The following ST6GALNAC5 variants were observed in gnomAD, a reference collection of about 807,000 sequenced individuals.
ST6GALNAC5 encodes the protein ST6 N-acetylgalactosaminide alpha-2,6-sialyltransferase 5.
Under a neutral mutation model 33.6 loss-of-function variants are expected in ST6GALNAC5, and 27 were observed. The ratio of observed to expected loss-of-function variants is 0.80; its 90% CI spans 0.59 to 1.11. The LOEUF (loss-of-function observed/expected upper bound fraction) is 1.11, where lower values mean the gene tolerates loss of function less well. Among genes scored for constraint, ST6GALNAC5 ranks in the 50% least tolerant of loss-of-function variants. The pLI, the probability that ST6GALNAC5 is intolerant of heterozygous loss-of-function variation, is 0.00. For synonymous variants in ST6GALNAC5, 194 were observed against 171.2 expected (o/e 1.13, Z -1.04); for missense variants, 428 against 454.0 (o/e 0.94, Z 0.52).
chr1:76,950,383 G>A (rs1052416651), intron 2 of ST6GALNAC5, among the ~76,000 whole-genome samples: 1 of 151,914 alleles, frequency 6.6e-6, no homozygotes, highest in Non-Finnish European at 1.5e-5. Context: ...ATATTCTTTA[G>A]TCCCAACTTA....
chr1:76,886,235 G>A lies in ST6GALNAC5; in HGVS notation c.261+17493G>A, dbSNP rs1570639184. Among the ~76,000 whole-genome samples the A allele has an allele frequency of 9.2e-5, 14 of 151,978 alleles. No individual in the cohort carries two copies. In the South Asian group the frequency reaches 2.9e-3, roughly 32 times the overall value. ...CTTCTGATTTCTTTTTCATCTTCTAGTTTTATAAAACATTTTCTTTATCTT... is the reference window on the plus strand; with the variant it reads ...CTTCTGATTTCTTTTTCATCTTCTAATTTTATAAAACATTTTCTTTATCTT... On this transcript the variant is annotated intron_variant, in intron 2 of 4. Coordinates refer to ENST00000477717, the MANE Select transcript of ST6GALNAC5 (RefSeq NM_030965.3).
In ST6GALNAC5 at chr1:76,868,095, G is replaced by T. The variant is rs969540088; in HGVS notation, c.16-402G>T. 2.0e-5 allele frequency among the ~76,000 whole-genome samples: 3 copies of T among 152,178 alleles called. No individual in the cohort carries two copies. The highest frequency in any genetic ancestry group is 2.1e-4 in the South Asian group (1 of 4,836). ...CTTAGATTTCAAACTTGCAAGGATC[G>T]CAAGGATCCAGGGCCCCAGGAAAGG... is the stretch of plus-strand genomic sequence containing the variant. On this transcript the variant is annotated intron_variant, in intron 1 of 4. Transcript: ENST00000477717. This position sits in a 1 kb window ranked among gnomAD's most constrained non-coding sequence, Gnocchi z 4.3.
intron 2 of ST6GALNAC5, among the ~76,000 whole-genome samples, chr1:77,006,375 G>A (rs1353026456): frequency 7.1e-6 from 1 of 141,484 alleles, no homozygotes; most frequent in African/African-American, 2.7e-5. Context: ...TCACCCAGGT[G>A]TGATCTCGGC....
intron 2 of ST6GALNAC5, among the ~76,000 whole-genome samples, chr1:77,029,008 G>T (rs573078688): frequency 5.9e-5 from 9 of 152,184 alleles, no homozygotes; most frequent in African/African-American, 2.2e-4. Context: ...ATTTGGATAC[G>T]TGGGTGGTGG....
chr1:76,999,935 A>G (rs1317892258), intron 2 of ST6GALNAC5, among the ~76,000 whole-genome samples: 2 of 123,474 alleles, frequency 1.6e-5, no homozygotes, highest in Admixed American at 8.3e-5. Context: ...ATTGTGAATA[A>G]TGCCGCAATA....
intron 2 of ST6GALNAC5, among the ~76,000 whole-genome samples, chr1:77,008,664 G>A (rs187846837): frequency 0.016 from 2,443 of 152,146 alleles, 70 homozygotes; most frequent in African/African-American, 0.056. Flanking sequence ...GGAGTAGCTG[G>A]GATTACAGGT....
intron 4 of ST6GALNAC5, among the ~76,000 whole-genome samples, chr1:77,060,357 A>T (rs1652535940): frequency 6.6e-6 from 1 of 152,190 alleles, no homozygotes; most frequent in South Asian, 2.1e-4. Context: ...CACTGAGGTC[A>T]GGTGAAGGAA....
chr1:77,035,869 A>G (rs1651628105), intron 2 of ST6GALNAC5, among the ~76,000 whole-genome samples: 1 of 152,234 alleles, frequency 6.6e-6, no homozygotes, highest in Non-Finnish European at 1.5e-5. Flanking sequence ...TGTTAAACAA[A>G]ATTGTCATAT....
chr1:76,913,785 G>C (rs1408324496), intron 2 of ST6GALNAC5, among the ~76,000 whole-genome samples: 1 of 152,160 alleles, frequency 6.6e-6, no homozygotes, highest in Non-Finnish European at 1.5e-5. Context: ...ACTGGCACAA[G>C]ACAGGGATGC....
rs144804007 is a variant in ST6GALNAC5, at chr1:77,006,697, A to G, written c.262-37507A>G. Among the ~76,000 whole-genome samples the G allele has an allele frequency of 1.4e-3, 215 of 152,264 alleles. 2 individuals are homozygous for G. Among genetic ancestry groups the G allele is most frequent in the African/African-American group, 4.6e-3 (192 of 41,554 alleles). On this transcript the variant is annotated intron_variant, in intron 2 of 4. Coordinates refer to ENST00000477717, the MANE Select transcript of ST6GALNAC5 (RefSeq NM_030965.3). ...TTTGAGAAACATTTATTTGTCAGTT[A>G]CCTATTGCTATGCAACCAACCACTC...
At chr1:76,884,237 G>A (rs546432675) in intron 2 of ST6GALNAC5, among the ~76,000 whole-genome samples, 6 of 152,262 alleles carry the variant, frequency 3.9e-5, no homozygotes, top group African/African-American at 7.2e-5. Context: ...CCAACAGAAG[G>A]TTTGTGGTTC....
chr1:76,896,604 G>C (rs1570649019), intron 2 of ST6GALNAC5, among the ~76,000 whole-genome samples: 1 of 152,124 alleles, frequency 6.6e-6, no homozygotes, highest in Non-Finnish European at 1.5e-5. Flanking sequence ...AGGTGGATCA[G>C]AGAGATACAG....
intron 2 of ST6GALNAC5, among the ~76,000 whole-genome samples, chr1:77,036,352 A>G (rs1453389704): frequency 6.6e-6 from 1 of 152,204 alleles, no homozygotes; most frequent in East Asian, 1.9e-4. Flanking sequence ...TGGTTGCCCA[A>G]CTCTCTAAAT....
At chr1:76,982,265 A>G (rs1439183984) in intron 2 of ST6GALNAC5, among the ~76,000 whole-genome samples, 2 of 152,184 alleles carry the variant, frequency 1.3e-5, no homozygotes, top group Admixed American at 1.3e-4. Flanking sequence ...AAAAACCCTG[A>G]AAAAAGATTA....
intron 2 of ST6GALNAC5, among the ~76,000 whole-genome samples, chr1:76,887,375 A>G (rs185231631): frequency 2.6e-4 from 40 of 152,270 alleles, no homozygotes; most frequent in African/African-American, 8.7e-4. Flanking sequence ...TGAGCATGTT[A>G]TGGTTCAGAA....
chr1:76,906,658 G>A (rs79603070), intron 2 of ST6GALNAC5, among the ~76,000 whole-genome samples: 4,313 of 152,168 alleles, frequency 0.028, 92 homozygotes, highest in Non-Finnish European at 0.042. Flanking sequence ...TAAACAGAAA[G>A]TTCTCTTAAA....
At chr1:76,915,334 CATTACTGGGTATAT>C (rs1557721330) in intron 2 of ST6GALNAC5, among the ~76,000 whole-genome samples, 2 of 152,108 alleles carry the variant, frequency 1.3e-5, no homozygotes. Flanking sequence ...CCAGCCATCC[CATTACTGGGTATAT>C]ACCCAAAGGA....
chr1:77,026,279 A>G (rs1651228826), intron 2 of ST6GALNAC5, among the ~76,000 whole-genome samples: 1 of 152,174 alleles, frequency 6.6e-6, no homozygotes, highest in African/African-American at 2.4e-5. Flanking sequence ...AGACCCTGTA[A>G]GCACTCTGGA....
chr1:77,044,142 T>C (rs772114030), intron 2 of ST6GALNAC5, 62 bp from the exon 3 acceptor site: 85 of 1,511,002 alleles, frequency 5.6e-5, no homozygotes, highest in Non-Finnish European at 7.3e-5. Context: ...AGTAGCCTGC[T>C]GGTGCTGAGT....
Sources: allele counts gnomAD v4.1 joint callset (sites outside exome capture counted in the v4.1 genomes callset), GRCh38; gene constraint gnomAD v4.1.1; non-coding constraint Gnocchi (gnomAD v3.1); transcripts MANE v1.5; gene names NCBI Gene and HGNC (gene_info 2026-07-23, HGNC 2026-07-21).